The following TRAPPC9 variants were observed in gnomAD, a reference collection of about 807,000 sequenced individuals.
TRAPPC9 encodes IKK2 binding protein.
A neutral mutation model predicts 124.0 loss-of-function variants in TRAPPC9; 83 were observed. The observed-to-expected ratio is 0.67, with a 90% CI of 0.56 to 0.80. The LOEUF is 0.80. TRAPPC9 is among the 30% of genes least tolerant of loss of function. The pLI, the probability that TRAPPC9 is intolerant of heterozygous loss-of-function variation, is 0.00. For missense variants in TRAPPC9, 1,302 were observed against 1,508.3 expected, an observed-to-expected ratio of 0.86 and a Z score of 2.27; for synonymous variants, 638 against 617.5, an observed-to-expected ratio of 1.03 and a Z score of -0.49.
At chr8:140,136,898 G>A (rs577053361) in intron 17 of TRAPPC9, among the ~76,000 whole-genome samples, 1 of 152,246 alleles carries the variant, frequency 6.6e-6, no homozygotes, top group Non-Finnish European at 1.5e-5. Context: ...AGGGTGCTGA[G>A]GAAGGCCTGA....
At chr8:139,831,258 T>G (rs1045826882) in intron 21 of TRAPPC9, among the ~76,000 whole-genome samples, 15 of 152,122 alleles carry the variant, frequency 9.9e-5, no homozygotes, top group Admixed American at 9.8e-4. Flanking sequence ...TGGTCTGCTG[T>G]GTCGTGTGTG....
chr8:139,947,894 G>GTATATA lies in TRAPPC9; in HGVS notation c.2811-37600_2811-37595dup, dbSNP rs55645825. ...AAAAAAAAAAAAAAGAAATATGTGT[G>GTATATA]TATATATATATATAGAGAGAGAGAG... On this transcript the variant is annotated intron_variant, in intron 19 of 22. Coordinates refer to ENST00000438773, the MANE Select transcript of TRAPPC9 (RefSeq NM_001160372.4). 9.7e-4 allele frequency among the ~76,000 whole-genome samples: 64 copies of GTATATA among 65,854 alleles called. 1 individual carries two copies. Among genetic ancestry groups the GTATATA allele is most frequent in the African/African-American group, 3.4e-3 (59 of 17,252 alleles). The allele number at this position is 65,854 out of a possible 152,430, so 43.2% of individuals were successfully genotyped here.
At chr8:139,773,256 C>T (rs1281348221) in intron 21 of TRAPPC9, among the ~76,000 whole-genome samples, 3 of 152,242 alleles carry the variant, frequency 2.0e-5, no homozygotes, top group Non-Finnish European at 2.9e-5. Flanking sequence ...ATGGCTCTAA[C>T]AGGTTTCAAC....
chr8:139,799,228 A>G (rs953861026), intron 21 of TRAPPC9, among the ~76,000 whole-genome samples: 2 of 151,640 alleles, frequency 1.3e-5, no homozygotes, highest in Admixed American at 1.3e-4. Flanking sequence ...TTTTTTTTCT[A>G]ATAGCAGTGA....
intron 15 of TRAPPC9, among the ~76,000 whole-genome samples, chr8:140,266,169 A>T (rs1206733470): frequency 2.0e-5 from 3 of 152,222 alleles, no homozygotes; most frequent in African/African-American, 7.2e-5. Context: ...AAACTTGCTT[A>T]CAAGTGGCCA....
intron 15 of TRAPPC9, among the ~76,000 whole-genome samples, chr8:140,269,666 C>G (rs539953845): frequency 1.3e-5 from 2 of 152,046 alleles, no homozygotes; most frequent in South Asian, 4.2e-4. Context: ...CATTACAGTA[C>G]CTAGATGGTT....
intron 17 of TRAPPC9, chr8:140,040,686 A>G (rs2132027770): frequency 6.6e-6 from 1 of 152,502 alleles, no homozygotes; most frequent in African/African-American, 2.4e-5. Flanking sequence ...TCGGCCGCAC[A>G]CTGGCAAGCT....
intron 17 of TRAPPC9, among the ~76,000 whole-genome samples, chr8:140,205,234 T>C (rs909369765): frequency 3.3e-5 from 5 of 152,162 alleles, no homozygotes; most frequent in African/African-American, 4.8e-5. Context: ...GATACAAAGA[T>C]TACCAAAAGC....
At chr8:139,976,857 T>C (rs983204162) in intron 19 of TRAPPC9, among the ~76,000 whole-genome samples, 1 of 152,048 alleles carries the variant, frequency 6.6e-6, no homozygotes, top group Admixed American at 6.5e-5. Flanking sequence ...TCACCTCTGC[T>C]CCTCTGAGAG....
At chr8:139,947,408 A>G (rs1834300202) in intron 19 of TRAPPC9, among the ~76,000 whole-genome samples, 1 of 152,254 alleles carries the variant, frequency 6.6e-6, no homozygotes, top group Non-Finnish European at 1.5e-5. Context: ...AAAGGACAGA[A>G]GAATGACAAA....
intron 5 of TRAPPC9, among the ~76,000 whole-genome samples, chr8:140,426,214 T>C (rs964846946): frequency 1.7e-4 from 26 of 152,230 alleles, no homozygotes; most frequent in African/African-American, 5.5e-4. Context: ...TTTCTTTCCC[T>C]GTTAAGAACA....
At chr8:140,270,839 G>A (rs575980387) in intron 15 of TRAPPC9, among the ~76,000 whole-genome samples, 1 of 152,228 alleles carries the variant, frequency 6.6e-6, no homozygotes, top group African/African-American at 2.4e-5. Context: ...AAGAGGAGAG[G>A]TGGCCATAGA....
At chr8:140,336,284 G>C (rs925963744) in intron 9 of TRAPPC9, among the ~76,000 whole-genome samples, 3 of 152,122 alleles carry the variant, frequency 2.0e-5, no homozygotes, top group Non-Finnish European at 2.9e-5. Flanking sequence ...AAAAGATTTT[G>C]TTCAACAGAT....
chr8:140,186,637 A>G (rs2062360900), intron 17 of TRAPPC9, among the ~76,000 whole-genome samples: 1 of 152,210 alleles, frequency 6.6e-6, no homozygotes, highest in Admixed American at 6.5e-5. Context: ...AATACAATTT[A>G]TAAGTATCCT....
chr8:139,752,986 T>C (rs1384834149), intron 21 of TRAPPC9, among the ~76,000 whole-genome samples: 1 of 145,102 alleles, frequency 6.9e-6, no homozygotes, highest in Admixed American at 6.8e-5. Flanking sequence ...CATCCATCCA[T>C]CCATCCAACT....
At chr8:140,018,150 TA>T (rs1839591707) in intron 18 of TRAPPC9, among the ~76,000 whole-genome samples, 1 of 152,080 alleles carries the variant, frequency 6.6e-6, no homozygotes, top group Non-Finnish European at 1.5e-5. Context: ...GCCACCTCTC[TA>T]ATTATTTAAG....
chr8:140,431,322 T>C (rs982859070), intron 4 of TRAPPC9, among the ~76,000 whole-genome samples: 1 of 151,930 alleles, frequency 6.6e-6, no homozygotes, highest in Non-Finnish European at 1.5e-5. Context: ...CCGGGCGTAG[T>C]GGTGGGTGCC....
At chr8:140,457,513 C>G in intron 1 of TRAPPC9, 126 bp downstream of exon 1, 1 of 808,398 alleles carries the variant, frequency 1.2e-6, no homozygotes, top group Non-Finnish European at 1.5e-6. Context: ...GTGGCGGGCT[C>G]CGCCCGGACA....
intron 21 of TRAPPC9, among the ~76,000 whole-genome samples, chr8:139,789,845 A>G (rs1451651686): frequency 6.6e-6 from 1 of 152,142 alleles, no homozygotes; most frequent in Non-Finnish European, 1.5e-5. Flanking sequence ...CCTCAACTCC[A>G]GGACCGGTAC....
Sources: gnomAD v4.1 joint callset for allele counts (sites outside exome capture counted in the v4.1 genomes callset) on GRCh38, gnomAD v4.1.1 for gene constraint, MANE v1.5 for transcripts, NCBI Gene and HGNC (gene_info 2026-07-23, HGNC 2026-07-21) for gene names.